Variants in SCAMP1 observed in about 807,000 individuals in gnomAD.
SCAMP1 encodes secretory carrier membrane protein 1.
Under a neutral mutation model 41.8 loss-of-function variants are expected in SCAMP1, and 15 were observed. The ratio of observed to expected loss-of-function variants is 0.36; its 90% confidence interval spans 0.24 to 0.55. The LOEUF is 0.55. Ranked by LOEUF, SCAMP1 falls within the 20% of genes least tolerant of loss-of-function variation. The pLI is 0.86. For missense variants in SCAMP1, 341 were observed against 412.6 expected, an observed-to-expected ratio of 0.83 and a Z score of 1.50; for synonymous variants, 135 against 136.8, an observed-to-expected ratio of 0.99 and a Z score of 0.09.
intron 2 of SCAMP1, among the ~76,000 whole-genome samples, chr5:78,410,735 GT>G (rs1309685080): frequency 6.6e-6 from 1 of 152,128 alleles, no homozygotes; most frequent in Admixed American, 6.5e-5. Flanking sequence ...GTCTTCCACA[GT>G]GGTTGAACTA....
intron 7 of SCAMP1, among the ~76,000 whole-genome samples, chr5:78,453,777 A>C (rs1411227326): frequency 5.3e-5 from 8 of 152,172 alleles, no homozygotes; most frequent in Non-Finnish European, 1.2e-4. Flanking sequence ...TACCTTGGGC[A>C]GTATGGCCAT....
At chr5:78,405,078 C>CA (rs1751899077) in intron 2 of SCAMP1, among the ~76,000 whole-genome samples, 1 of 152,216 alleles carries the variant, frequency 6.6e-6, no homozygotes. Context: ...TTTCTGCAGT[C>CA]ATGGGTCAGC....
At chr5:78,379,863 C>A (rs909240671) in intron 1 of SCAMP1, among the ~76,000 whole-genome samples, 1 of 152,132 alleles carries the variant, frequency 6.6e-6, no homozygotes, top group Non-Finnish European at 1.5e-5. Context: ...TACATTCTAT[C>A]TCCCTCCTTT....
At chr5:78,460,211 C>T (rs1329278756) in intron 8 of SCAMP1, among the ~76,000 whole-genome samples, 1 of 152,172 alleles carries the variant, frequency 6.6e-6, no homozygotes, top group Non-Finnish European at 1.5e-5. Context: ...CTGCAATAAG[C>T]ATATGAGTGC....
intron 6 of SCAMP1, among the ~76,000 whole-genome samples, chr5:78,448,195 T>G (rs1362782604): frequency 7.5e-6 from 1 of 133,686 alleles, no homozygotes; most frequent in African/African-American, 2.8e-5. Context: ...TTTTGTTTTT[T>G]TTTGTTTTTT....
chr5:78,402,918 C>A (rs1413413144), intron 2 of SCAMP1, among the ~76,000 whole-genome samples: 1 of 152,160 alleles, frequency 6.6e-6, no homozygotes, highest in Non-Finnish European at 1.5e-5. Context: ...GTCACCCAGG[C>A]TGGAGTGCAG....
At chr5:78,467,777 T>C (rs1753782547) in intron 8 of SCAMP1, among the ~76,000 whole-genome samples, 1 of 152,192 alleles carries the variant, frequency 6.6e-6, no homozygotes, top group Admixed American at 6.5e-5. Context: ...TGCACCAGCT[T>C]TCATATTTTA....
chr5:78,421,994 A>G, intron 6 of SCAMP1, 34 bp downstream of exon 6: 2 of 1,545,156 alleles, frequency 1.3e-6, no homozygotes, highest in Non-Finnish European at 1.8e-6. Context: ...ACACTCTTTA[A>G]AACCTGTGAA....
intron 6 of SCAMP1, among the ~76,000 whole-genome samples, chr5:78,448,710 G>GAAC (rs949373182): frequency 3.9e-5 from 6 of 152,202 alleles, no homozygotes; most frequent in Non-Finnish European, 8.8e-5. Flanking sequence ...ATGAAAAGTA[G>GAAC]AACAACCAGG....
intron 1 of SCAMP1, among the ~76,000 whole-genome samples, chr5:78,374,964 A>G (rs1050753881): frequency 6.6e-6 from 1 of 152,122 alleles, no homozygotes; most frequent in African/African-American, 2.4e-5. Flanking sequence ...GAGATTTTTA[A>G]TGGCTTTTCC....
intron 7 of SCAMP1, 145 bp from the exon 8 acceptor site, chr5:78,459,100 G>A (rs1479854959): frequency 4.9e-6 from 3 of 610,292 alleles, no homozygotes; most frequent in Admixed American, 6.6e-5. Flanking sequence ...CCTATTGGGT[G>A]GGTTGTGAGA....
chr5:78,404,333 G>A (rs1449964154), intron 2 of SCAMP1, among the ~76,000 whole-genome samples: 1 of 151,786 alleles, frequency 6.6e-6, no homozygotes, highest in Non-Finnish European at 1.5e-5. Flanking sequence ...TTTTTTTAGA[G>A]ACGGGGTCTC....
chr5:78,467,142 G>T (rs1156532408), intron 8 of SCAMP1, among the ~76,000 whole-genome samples: 1 of 152,192 alleles, frequency 6.6e-6, no homozygotes, highest in East Asian at 1.9e-4. Flanking sequence ...AGCAAGGGAA[G>T]AACTTTAGGC....
In SCAMP1 at chr5:78,476,732, A is replaced by G. The variant is rs1465852602; in HGVS notation, c.*1064A>G. On this transcript the variant is annotated 3_prime_UTR_variant, in exon 9 of 9. Coordinates refer to ENST00000621999, the MANE Select transcript of SCAMP1 (RefSeq NM_004866.6). ...TAAAAAGACCCTGGCATTTTTTCAC[A>G]TACTTGAATCCCTAAATGCACCTGT... 6.6e-6 allele frequency: 1 copy of G among 152,498 alleles called. No homozygotes were observed. The allele number at this position is 152,498 out of a possible 1,614,324, so 9.4% of individuals were successfully genotyped here. A position where few individuals can be genotyped will look rare whatever the true frequency, so the allele number is the denominator to read the frequency against.
chr5:78,470,814 T>A (rs1753868702), intron 8 of SCAMP1, among the ~76,000 whole-genome samples: 1 of 152,152 alleles, frequency 6.6e-6, no homozygotes. Flanking sequence ...ACACTTGTGA[T>A]TTTCCGTTTT....
chr5:78,479,849 T>C lies in SCAMP1; in HGVS notation c.*4181T>C, dbSNP rs571541428. Among the ~76,000 whole-genome samples, 46 of 152,094 alleles carry C rather than the reference T, an allele frequency of 3.0e-4. 1 individual carries two copies. The East Asian group carries it at 7.9e-3, about 26-fold the overall frequency. ...CGAGGTCAGGAGATCGAAACCATCC[T>C]GGCTAACATGGTGAAACCCCATCTC... On this transcript the variant is annotated 3_prime_UTR_variant, in exon 9 of 9. Coordinates refer to ENST00000621999, the MANE Select transcript of SCAMP1 (RefSeq NM_004866.6).
intron 2 of SCAMP1, among the ~76,000 whole-genome samples, chr5:78,393,759 A>G (rs1175768776): frequency 6.6e-6 from 1 of 152,218 alleles, no homozygotes; most frequent in African/African-American, 2.4e-5. Flanking sequence ...TAATGCATAA[A>G]TAGAGAAATT....
intron 7 of SCAMP1, among the ~76,000 whole-genome samples, chr5:78,451,815 C>A (rs192695088): frequency 6.6e-6 from 1 of 152,106 alleles, no homozygotes; most frequent in Non-Finnish European, 1.5e-5. Context: ...CCACCCAGCC[C>A]AGCTAATTTT....
chr5:78,362,224 T>C (rs1475727866), intron 1 of SCAMP1, among the ~76,000 whole-genome samples: 1 of 152,260 alleles, frequency 6.6e-6, no homozygotes, highest in Non-Finnish European at 1.5e-5. Flanking sequence ...TTTTAAAATA[T>C]TTTGAAGATA....
Sources: gnomAD v4.1 joint callset for allele counts (sites outside exome capture counted in the v4.1 genomes callset) on GRCh38, gnomAD v4.1.1 for gene constraint, MANE v1.5 for transcripts, NCBI Gene and HGNC (gene_info 2026-07-23, HGNC 2026-07-21) for gene names.